The following MYH9 variants were observed in gnomAD, a reference collection of about 807,000 sequenced individuals.
The protein encoded by MYH9 is myosin heavy chain 9.
Under a neutral mutation model 241.9 loss-of-function variants are expected in MYH9, and 29 were observed. That is an observed-to-expected ratio of 0.12 (90% CI 0.09 to 0.16). MYH9 has a LOEUF of 0.16. Ranked by LOEUF, MYH9 falls within the 10% of genes least tolerant of loss-of-function variation. The probability of loss-of-function intolerance (pLI) is 1.00; values close to 1 mark genes in which losing one functional copy is unlikely to be tolerated. For synonymous variants in MYH9, 1,047 were observed against 1,062.6 expected (o/e 0.99, Z 0.29); for missense variants, 1,803 against 2,595.5 (o/e 0.69, Z 6.63).
chr22:36,286,574 G>A (rs951269488), intron 35 of MYH9, 144 bp downstream of exon 35: 6 of 1,167,988 alleles, frequency 5.1e-6, no homozygotes, highest in Middle Eastern at 2.1e-4. Context: ...AACCCTGGAG[G>A]GAATCCTTAT....
In MYH9 at chr22:36,314,328, G is replaced by A; in HGVS notation, c.1381-10C>T. 1.9e-6 allele frequency: 3 copies of A among 1,614,060 alleles called. No individual in the cohort carries two copies. In the South Asian group the frequency reaches 3.3e-5, roughly 18 times the overall value. ...GCTCAAACGAGTTCAGCTGCAAGGAGAGAAAACAATGTCAGAGAGACGCCA... is the reference window on the plus strand; with the variant it reads ...GCTCAAACGAGTTCAGCTGCAAGGAAAGAAAACAATGTCAGAGAGACGCCA... On this transcript the variant is annotated splice_polypyrimidine_tract_variant and intron_variant, in intron 12 of 40. Transcript: ENST00000216181.
chr22:36,303,852 G>A, intron 19 of MYH9, 143 bp downstream of exon 19: 1 of 778,632 alleles, frequency 1.3e-6, no homozygotes, highest in South Asian at 1.7e-5. Flanking sequence ...TAGAAATCCA[G>A]GAACAGGGGT....
intron 3 of MYH9, among the ~76,000 whole-genome samples, chr22:36,334,868 T>C (rs552436966): frequency 7.9e-4 from 120 of 152,160 alleles, no homozygotes; most frequent in Middle Eastern, 3.4e-3. Flanking sequence ...TTAGAGTGAG[T>C]TGACTTGCTC....
intron 1 of MYH9, among the ~76,000 whole-genome samples, chr22:36,385,406 T>A (rs1408897338): frequency 6.6e-6 from 1 of 152,170 alleles, no homozygotes; most frequent in Non-Finnish European, 1.5e-5. Flanking sequence ...ACAACAATGC[T>A]GCATTTTTTT....
In MYH9 at chr22:36,300,205, C is replaced by A. The variant is rs1345299849; in HGVS notation, c.2898G>T (p.Lys966Asn). 6.2e-7 allele frequency: 1 copy of A among 1,613,502 alleles called. No individual in the cohort carries two copies. The highest frequency in any genetic ancestry group is 8.5e-7 in the Non-Finnish European group (1 of 1,180,030). ...ESARQKLQLE[K>N]VTTEAKLKKL... The stretch of plus-strand genomic sequence containing the variant: ...TTTTCAGCTTCGCCTCGGTGGTCAC[C>A]TTCTCCAGCTGCAGCTTCTGCCGGG... The change falls in exon 23 of 41, where the codon AAG becomes AAT. Residue 966 changes from lysine (K) to asparagine (N), a missense_variant. Transcript: ENST00000216181. The surrounding 1 kb of genome is among the most constrained non-coding windows in gnomAD (Gnocchi z 5.0).
At chr22:36,353,102 C>CGAGTGT (rs891280213) in intron 1 of MYH9, among the ~76,000 whole-genome samples, 1 of 142,876 alleles carries the variant, frequency 7.0e-6, no homozygotes, top group Admixed American at 6.9e-5. Context: ...CCTCTGGGGG[C>CGAGTGT]GTGTGTGTGT....
chr22:36,292,261 T>G, intron 30 of MYH9, 27 bp from the exon 31 acceptor site: 2 of 1,612,964 alleles, frequency 1.2e-6, no homozygotes, highest in Non-Finnish European at 1.7e-6. Context: ...AGTAAGCAGA[T>G]GCCCGAGATG....
chr22:36,349,072 G>C lies in MYH9; in HGVS notation c.165C>G (p.Ile55Met). Residue 55 changes from isoleucine to methionine, a missense_variant, in exon 2 of 41, where the codon ATC becomes ATG. This residue lies in a region of MYH9 where 75 missense variants were observed against 79.1 expected (regional missense o/e 0.95). Coordinates refer to ENST00000216181, the MANE Select transcript of MYH9 (RefSeq NM_002473.6). Reference sequence around the variant, plus strand: ...TCTTCCCATTCTCCACCAGCTCCACGATGGCCTCTTCGCCCACCTCCTCCT... The same window carrying C: ...TCTTCCCATTCTCCACCAGCTCCACCATGGCCTCTTCGCCCACCTCCTCCT... ...SLKEEVGEEA[I>M]VELVENGKKV... The C allele has an allele frequency of 1.2e-6, 2 of 1,614,162 alleles. No homozygotes were observed. The highest frequency in any genetic ancestry group is 2.2e-5 in the South Asian group (2 of 91,078).
At position 36,285,827 on chromosome 22, in the gene MYH9, C is replaced by T. The variant is rs1003246030; in HGVS notation, c.5150+38G>A. ...GTGAGGGGCCTACCCTGGGGACACACCTGGTCCCCCCCAACTCTGCCCCCT... is the reference window on the plus strand; with the variant it reads ...GTGAGGGGCCTACCCTGGGGACACATCTGGTCCCCCCCAACTCTGCCCCCT... On this transcript the variant is annotated intron_variant, in intron 36 of 40. Coordinates refer to ENST00000216181, the MANE Select transcript of MYH9 (RefSeq NM_002473.6). This position sits in a 1 kb window ranked among gnomAD's most constrained non-coding sequence, Gnocchi z 7.0. 3 of 1,613,496 alleles carry T rather than the reference C, an allele frequency of 1.9e-6. No homozygotes were observed. The highest frequency in any genetic ancestry group is 1.1e-5 in the South Asian group (1 of 91,048).
At chr22:36,319,965 G>A (rs2017224020) in intron 9 of MYH9, 1 of 613,792 alleles carries the variant, frequency 1.6e-6, no homozygotes, top group East Asian at 2.8e-5. Context: ...AATGGCAAGG[G>A]CTGTGCAGTG....
At chr22:36,383,517 A>G (rs1387273570) in intron 1 of MYH9, among the ~76,000 whole-genome samples, 1 of 152,130 alleles carries the variant, frequency 6.6e-6, no homozygotes, top group African/African-American at 2.4e-5. Context: ...ACAGTCCACA[A>G]CCACAATACA....
Position 36,305,138 on chromosome 22 carries a change from A to G in MYH9, c.2160-36T>C, listed in dbSNP as rs1378239250. 1 of 1,541,298 alleles carries G rather than the reference A, an allele frequency of 6.5e-7. No individual in the cohort carries two copies. Among genetic ancestry groups the G allele is most frequent in the African/African-American group, 1.4e-5 (1 of 73,352 alleles). On this transcript the variant is annotated intron_variant, in intron 17 of 40. Transcript: ENST00000216181. The surrounding 1 kb of genome is among the most constrained non-coding windows in gnomAD (Gnocchi z 4.7). ...AAAGAGAAGCCTGGTCATTTTACCC[A>G]TTGCCTCGATTCCACATGCCTGGAA... is the stretch of plus-strand genomic sequence containing the variant.
At chr22:36,327,966 G>T in intron 3 of MYH9, among the ~76,000 whole-genome samples, 1 of 152,326 alleles carries the variant, frequency 6.6e-6, no homozygotes. Flanking sequence ...GCCTGGCTTT[G>T]CAACGGGACA....
intron 3 of MYH9, among the ~76,000 whole-genome samples, chr22:36,340,987 G>T (rs1360859487): frequency 6.6e-6 from 1 of 152,104 alleles, no homozygotes; most frequent in Admixed American, 6.5e-5. Flanking sequence ...GGAAGAACTC[G>T]AACGTGTTTC....
intron 24 of MYH9, 162 bp from the exon 25 acceptor site, chr22:36,297,176 G>T: frequency 1.3e-6 from 1 of 765,972 alleles, no homozygotes; most frequent in Non-Finnish European, 2.1e-6. Flanking sequence ...GCAGGAAGAG[G>T]ACATCACTGC....
chr22:36,310,594 T>G (rs780769638), intron 14 of MYH9, among the ~76,000 whole-genome samples: 2 of 152,250 alleles, frequency 1.3e-5, no homozygotes, highest in Admixed American at 6.5e-5. Flanking sequence ...CCCCTCAGCA[T>G]GCAGGCGAAT....
Position 36,288,794 on chromosome 22 carries a change from T to C in MYH9, c.4703A>G (p.Gln1568Arg). Residue 1568 changes from glutamine (Q) to arginine (R), a missense_variant, in exon 33 of 41, where the codon CAG (glutamine) becomes CGG (arginine). Transcript: ENST00000216181. The surrounding 1 kb of genome is among the most constrained non-coding windows in gnomAD (Gnocchi z 4.8). Reference sequence around the variant, plus strand: ...CCGGCCCTGCAGGTCCCGCTCGAACTGGGCCTTCATGGCCTGCAGGTTGAC... The same window carrying C: ...CCGGCCCTGCAGGTCCCGCTCGAACCGGGCCTTCATGGCCTGCAGGTTGAC... ...LEVNLQAMKAQFERDLQGRDE... is the reference protein window; with the variant it reads ...LEVNLQAMKARFERDLQGRDE... The C allele has an allele frequency of 6.2e-7, 1 of 1,612,682 alleles. No individual in the cohort carries two copies. The highest frequency in any genetic ancestry group is 8.5e-7 in the Non-Finnish European group (1 of 1,179,998).
Position 36,295,505 on chromosome 22 carries a change from C to T in MYH9, c.3485G>A (p.Arg1162Lys), listed in dbSNP as rs777594273. The T allele has an allele frequency of 6.2e-7, 1 of 1,612,278 alleles. No individual in the cohort carries two copies. Among genetic ancestry groups the T allele is most frequent in the South Asian group, 1.1e-5 (1 of 91,000 alleles). The change falls in exon 26 of 41, where the codon AGG (arginine) becomes AAG (lysine). Residue 1162 changes from arginine (R) to lysine (K), a missense_variant and splice_region_variant. Arg to Lys is a conservative substitution (Grantham distance 26). Around this residue, in one of 11 missense-constraint regions of MYH9, gnomAD observed 11 missense variants for 37.1 expected, o/e 0.30. Transcript: ENST00000216181. This position sits in a 1 kb window ranked among gnomAD's most constrained non-coding sequence, Gnocchi z 4.1. ...LDSTAAQQEL[R>K]SKREQEVNIL... is the part of the protein sequence containing the mutation. ...CGAGGGACTTGGTCCCAGGGCACAC[C>T]TGAGCTCCTGCTGGGCAGCTGTGGA...
At chr22:36,386,257 C>A (rs2018348921) in intron 1 of MYH9, among the ~76,000 whole-genome samples, 3 of 152,268 alleles carry the variant, frequency 2.0e-5, no homozygotes, top group South Asian at 2.1e-4. Context: ...TCTTACTCAA[C>A]CTCCCACCCC....
Sources: gnomAD v4.1 joint callset for allele counts (sites outside exome capture counted in the v4.1 genomes callset) on GRCh38, gnomAD v4.1.1 for gene constraint, gnomAD v4.1.1 regional missense constraint, Gnocchi (gnomAD v3.1) non-coding constraint, MANE v1.5 for transcripts, NCBI Gene and HGNC (gene_info 2026-07-23, HGNC 2026-07-21) for gene names.